Variants in MAP4K2 observed in about 807,000 individuals in gnomAD.
MAP4K2 encodes B lymphocyte serine/threonine protein kinase.
MAP4K2 carries 85 observed loss-of-function variants against 125.3 expected under a neutral mutation model. The ratio of observed to expected loss-of-function variants is 0.68; its 90% CI spans 0.57 to 0.81. The LOEUF (loss-of-function observed/expected upper bound fraction) is 0.81, where lower values mean the gene tolerates loss of function less well. Ranked by LOEUF, MAP4K2 falls within the 40% of genes least tolerant of loss-of-function variation. MAP4K2 has a pLI of 0.00. For synonymous variants in MAP4K2, 479 were observed against 445.1 expected (o/e 1.08, Z -0.96); for missense variants, 923 against 1,056.4 (o/e 0.87, Z 1.75).
At chr11:64,793,191 G>C (rs757969622) in intron 24 of MAP4K2, among the ~76,000 whole-genome samples, 1 of 151,342 alleles carries the variant, frequency 6.6e-6, no homozygotes, top group African/African-American at 2.4e-5. Context: ...ACTCCAGCCC[G>C]GGCAATGAGA....
rs201737524 is a variant in MAP4K2, at chr11:64,796,626, G to A, written c.1572+8C>T. On this transcript the variant is annotated splice_region_variant and intron_variant, in intron 22 of 31. Transcript: ENST00000294066. The stretch of plus-strand genomic sequence containing the variant: ...GGCCTCTGCCCCCCACAGCCAGCCG[G>A]GCCTCACCTTCTCCAGCGTATCCTC... 1 of 1,614,048 alleles carries A rather than the reference G, an allele frequency of 6.2e-7. No homozygotes were observed. The highest frequency in any genetic ancestry group is 8.5e-7 in the Non-Finnish European group (1 of 1,180,032).
chr11:64,796,246 G>A (rs773674500), intron 24 of MAP4K2, 27 bp downstream of exon 24: 83 of 1,509,602 alleles, frequency 5.5e-5, no homozygotes, highest in East Asian at 4.8e-4. Context: ...TCTGCCTCCC[G>A]CTCCCTGCAC....
chr11:64,801,503 A>G, intron 7 of MAP4K2, 76 bp downstream of exon 7: 1 of 1,540,894 alleles, frequency 6.5e-7, no homozygotes, highest in Non-Finnish European at 8.9e-7. Flanking sequence ...GCCCAGTGAC[A>G]CCCAACCCTT....
chr11:64,798,832 C>T lies in MAP4K2; in HGVS notation c.1059G>A (p.Glu353=). 6.2e-7 allele frequency: 1 copy of T among 1,604,222 alleles called. No homozygotes were observed. Among genetic ancestry groups the T allele is most frequent in the Non-Finnish European group, 8.5e-7 (1 of 1,174,888 alleles). Residue 353 remains glutamate, a synonymous_variant, in exon 15 of 32, where the codon GAG becomes GAA. Transcript: ENST00000294066. ...KETDPLNEPW[E]EEWTLLGKEE... ...CCTTTCCCAGTAGTGTCCACTCTTCCTCCCACTGGGGGAAACCAAGGTAGA... is the reference window on the plus strand; with the variant it reads ...CCTTTCCCAGTAGTGTCCACTCTTCTTCCCACTGGGGGAAACCAAGGTAGA...
intron 4 of MAP4K2, 117 bp downstream of exon 4, chr11:64,802,302 A>G (rs570244626): frequency 1.7e-6 from 2 of 1,194,372 alleles, no homozygotes; most frequent in African/African-American, 1.5e-5. Flanking sequence ...AAGGTCACAC[A>G]GCCAGGCAGG....
intron 15 of MAP4K2, 54 bp downstream of exon 15, chr11:64,798,740 T>A (rs1940979450): frequency 6.2e-7 from 1 of 1,603,096 alleles, no homozygotes; most frequent in Non-Finnish European, 8.5e-7. Flanking sequence ...CGGTCAGAGG[T>A]CAGCCTTTCT....
chr11:64,790,135 A>C, intron 29 of MAP4K2, 53 bp downstream of exon 29: 1 of 1,602,516 alleles, frequency 6.2e-7, no homozygotes. Flanking sequence ...CCCCTGAGCA[A>C]CAACGTGCTC....
At position 64,789,463 on chromosome 11, in the gene MAP4K2, G is replaced by T; in HGVS notation, c.*74C>A. ...GCCTGGGCTCCTCTGGTCTAGGATG[G>T]GCCCCTTTGCCCAAAAGGGCCTGCA... On this transcript the variant is annotated 3_prime_UTR_variant, in exon 32 of 32. Transcript: ENST00000294066. 1 of 1,344,324 alleles carries T rather than the reference G, an allele frequency of 7.4e-7. No homozygotes were observed. The highest frequency in any genetic ancestry group is 1.5e-5 in the African/African-American group (1 of 68,900). The allele number at this position is 1,344,324 out of a possible 1,614,324, so 83.3% of individuals were successfully genotyped here.
rs890341083 is a variant in MAP4K2, at chr11:64,787,394, A to G, written c.*2143T>C. The G allele has an allele frequency of 2.0e-5, 3 of 152,146 alleles. No individual in the cohort carries two copies. Among genetic ancestry groups the G allele is most frequent in the African/African-American group, 7.2e-5 (3 of 41,420 alleles). 9.4% of individuals were successfully genotyped at this position (152,146 alleles called of 1,614,324 possible). On this transcript the variant is annotated 3_prime_UTR_variant, in exon 32 of 32. Coordinates refer to ENST00000294066, the MANE Select transcript of MAP4K2 (RefSeq NM_004579.5). ...GTGGAATATGTTAATACGTATATAA[A>G]AAATCGCCAAGAATAAAATATACCA... is the stretch of plus-strand genomic sequence containing the variant.
intron 24 of MAP4K2, among the ~76,000 whole-genome samples, chr11:64,792,800 G>T (rs1213489429): frequency 6.6e-6 from 1 of 152,200 alleles, no homozygotes; most frequent in East Asian, 1.9e-4. Context: ...TACAGGGGAG[G>T]TGCTCTCGGC....
chr11:64,791,279 C>G (rs1326215274), intron 27 of MAP4K2, among the ~76,000 whole-genome samples: 1 of 152,248 alleles, frequency 6.6e-6, no homozygotes, highest in East Asian at 1.9e-4. Flanking sequence ...GCCACAACAC[C>G]TGGAGTCCTG....
intron 29 of MAP4K2, 48 bp from the exon 30 acceptor site, chr11:64,790,007 C>T: frequency 6.2e-7 from 1 of 1,604,148 alleles, no homozygotes; most frequent in Non-Finnish European, 8.5e-7. Context: ...TTGGCACCCC[C>T]TCAGCCACGC....
chr11:64,795,656 C>A (rs1394373475), intron 24 of MAP4K2, among the ~76,000 whole-genome samples: 28 of 152,326 alleles, frequency 1.8e-4, no homozygotes, highest in Non-Finnish European at 4.4e-5. Context: ...TCCGCCTTGG[C>A]CTCCCAAAGT....
chr11:64,785,984 C>T lies in MAP4K2; in HGVS notation c.*3553G>A, dbSNP rs1940191320. The T allele has an allele frequency of 6.6e-6, 1 of 152,178 alleles. No homozygotes were observed. Among genetic ancestry groups the T allele is most frequent in the African/African-American group, 2.4e-5 (1 of 41,436 alleles). The allele number at this position is 152,178 out of a possible 1,614,324, so 9.4% of individuals were successfully genotyped here. A position where few individuals can be genotyped will look rare whatever the true frequency, so the allele number is the denominator to read the frequency against. On this transcript the variant is annotated 3_prime_UTR_variant, in exon 32 of 32. Transcript: ENST00000294066. ...AGTTATAACTTAAATACCCATGAAC[C>T]TACCACCAAACCTGAGAGCTAAGAT...
In MAP4K2 at chr11:64,797,161, G is replaced by A; in HGVS notation, c.1308C>T (p.Asn436=). The A allele has an allele frequency of 6.2e-7, 1 of 1,614,046 alleles. No homozygotes were observed. The highest frequency in any genetic ancestry group is 1.3e-5 in the African/African-American group (1 of 75,056). Residue 436 remains asparagine, a synonymous_variant, in exon 19 of 32, where the codon AAC becomes AAT. Transcript: ENST00000294066. ...GTLPPPPSGP[N]SSPLLPTAWA... ...AGGCCGTGGGCAGCAGTGGGGAGCT[G>A]TTGGGGCCTGAAGGAGGTGGGGGCA...
chr11:64,795,075 T>C (rs982433404), intron 24 of MAP4K2, among the ~76,000 whole-genome samples: 3 of 147,668 alleles, frequency 2.0e-5, no homozygotes, highest in Middle Eastern at 6.4e-3. Context: ...CTCAGCTAAG[T>C]TTTCGATTTT....
intron 15 of MAP4K2, 29 bp downstream of exon 15, chr11:64,798,763 ACC>A (rs1449670567): frequency 4.3e-6 from 7 of 1,612,152 alleles, no homozygotes; most frequent in Non-Finnish European, 5.9e-6. Flanking sequence ...CGCCCCTGCC[ACC>A]CCCTGCAGCT....
chr11:64,790,997 G>A lies in MAP4K2; in HGVS notation c.2093-535C>T, dbSNP rs932580996. 9.2e-5 allele frequency among the ~76,000 whole-genome samples: 14 copies of A among 152,164 alleles called. No homozygotes were observed. The East Asian group carries it at 1.2e-3, about 13-fold the overall frequency. ...CTAATAATACAAAACGTAGCCGGACGTGGTGGCACATGCTTGTAATCCCAG... is the reference window on the plus strand; with the variant it reads ...CTAATAATACAAAACGTAGCCGGACATGGTGGCACATGCTTGTAATCCCAG... On this transcript the variant is annotated intron_variant, in intron 27 of 31. Coordinates refer to ENST00000294066, the MANE Select transcript of MAP4K2 (RefSeq NM_004579.5).
At chr11:64,792,335 C>CCG in intron 25 of MAP4K2, 29 bp downstream of exon 25, 18 of 1,520,486 alleles carry the variant, frequency 1.2e-5, no homozygotes, top group Non-Finnish European at 1.5e-5. Flanking sequence ...CACCAGGCCC[C>CCG]GCCCCACCCC....
Sources: gnomAD v4.1 joint callset for allele counts (sites outside exome capture counted in the v4.1 genomes callset) on GRCh38, gnomAD v4.1.1 for gene constraint, MANE v1.5 for transcripts, NCBI Gene and HGNC (gene_info 2026-07-23, HGNC 2026-07-21) for gene names.